Variants in MAP2K5 observed in about 807,000 individuals in gnomAD.
The protein encoded by MAP2K5 is mitogen-activated protein kinase kinase 5.
In MAP2K5, 49 loss-of-function variants were observed where a neutral mutation model predicts 83.1. The ratio of observed to expected loss-of-function variants is 0.59; its 90% CI spans 0.47 to 0.75. MAP2K5 has a LOEUF of 0.75. Among genes scored for constraint, MAP2K5 ranks in the 30% least tolerant of loss-of-function variants. The probability of loss-of-function intolerance (pLI) is 0.00; values close to 1 mark genes in which losing one functional copy is unlikely to be tolerated. For synonymous variants in MAP2K5, 202 were observed against 191.8 expected (o/e 1.05, Z -0.44); for missense variants, 457 against 557.5 (o/e 0.82, Z 1.82).
Position 67,741,642 on chromosome 15 carries a change from C to T in MAP2K5, c.1075-6589C>T, listed in dbSNP as rs576403740. Among the ~76,000 whole-genome samples, 24 of 152,052 alleles carry T rather than the reference C, an allele frequency of 1.6e-4. 1 individual carries two copies. The highest frequency in any genetic ancestry group is 4.8e-4 in the African/African-American group (20 of 41,488). On this transcript the variant is annotated intron_variant, in intron 17 of 21. Coordinates refer to ENST00000178640, the MANE Select transcript of MAP2K5 (RefSeq NM_145160.3). ...TGAAGTCATCTTCCCATGGAACACA[C>T]GGGCTTCTTGGGGGTGGGGGAGTGT...
rs1459029015 is a variant in MAP2K5 at position 67,559,776 on chromosome 15, A to G, written c.185-3507A>G. Among the ~76,000 whole-genome samples the G allele has an allele frequency of 2.0e-5, 3 of 152,162 alleles. No homozygotes were observed. The highest frequency in any genetic ancestry group is 2.9e-5 in the Non-Finnish European group (2 of 68,024). On this transcript the variant is annotated intron_variant, in intron 2 of 21. Transcript: ENST00000178640. This position sits in a 1 kb window ranked among gnomAD's most constrained non-coding sequence, Gnocchi z 4.7. Reference sequence around the variant, plus strand: ...AGCCTGGAATTCTCATTGTGAACCAATGTATCAGATCTGTCTGCTCCCCTA... The same window carrying G: ...AGCCTGGAATTCTCATTGTGAACCAGTGTATCAGATCTGTCTGCTCCCCTA...
rs6494670 is a variant in MAP2K5, at chr15:67,550,188, G to C, written c.184+106G>C. Reference sequence around the variant, plus strand: ...AAACTGACAAAAACAGATTATTTATGACCATCATATGGTACATTTAAATAT... The same window carrying C: ...AAACTGACAAAAACAGATTATTTATCACCATCATATGGTACATTTAAATAT... On this transcript the variant is annotated intron_variant, in intron 2 of 21. Coordinates refer to ENST00000178640, the MANE Select transcript of MAP2K5 (RefSeq NM_145160.3). 1.0e-5 allele frequency: 8 copies of C among 791,550 alleles called. No individual in the cohort carries two copies. The Admixed American group carries it at 1.6e-4, about 16-fold the overall frequency. 49.0% of individuals were successfully genotyped at this position (791,550 alleles called of 1,614,324 possible). A position where few individuals can be genotyped will look rare whatever the true frequency, so the allele number is the denominator to read the frequency against.
Position 67,640,273 on chromosome 15 carries a change from G to C in MAP2K5, c.586-5958G>C, listed in dbSNP as rs981363823. On this transcript the variant is annotated intron_variant, in intron 9 of 21. Transcript: ENST00000178640. This position sits in a 1 kb window ranked among gnomAD's most constrained non-coding sequence, Gnocchi z 4.6. ...TTCTTTAGTTCATTCATCTTTTAAA[G>C]TAACATCTTGAAAGCAGGTTCAGCT... 3.3e-5 allele frequency among the ~76,000 whole-genome samples: 5 copies of C among 152,138 alleles called. No homozygotes were observed. The highest frequency in any genetic ancestry group is 9.7e-5 in the African/African-American group (4 of 41,438).
chr15:67,651,119 G>A (rs558699434), intron 11 of MAP2K5, among the ~76,000 whole-genome samples: 1 of 152,302 alleles, frequency 6.6e-6, no homozygotes, highest in South Asian at 2.1e-4. Flanking sequence ...TTGAGAGGCT[G>A]AGGCAGGAGA....
rs997794395 is a variant in MAP2K5 at position 67,736,035 on chromosome 15, G to T, written c.1074+8090G>T. Among the ~76,000 whole-genome samples, 2 of 152,196 alleles carry T rather than the reference G, an allele frequency of 1.3e-5. No individual in the cohort carries two copies. The highest frequency in any genetic ancestry group is 2.9e-5 in the Non-Finnish European group (2 of 68,042). ...TTGGTGTTGTTCCGGTACTTTAACA[G>T]TACTACCATTGTTACTTTCATTTCC... On this transcript the variant is annotated intron_variant, in intron 17 of 21. Transcript: ENST00000178640. The surrounding 1 kb of genome is among the most constrained non-coding windows in gnomAD (Gnocchi z 4.3).
Position 67,676,072 on chromosome 15 carries a change from T to C in MAP2K5, c.847+11427T>C, listed in dbSNP as rs1193482105. Among the ~76,000 whole-genome samples, 1 of 152,186 alleles carries C rather than the reference T, an allele frequency of 6.6e-6. No homozygotes were observed. Among genetic ancestry groups the C allele is most frequent in the Non-Finnish European group, 1.5e-5 (1 of 68,028 alleles). On this transcript the variant is annotated intron_variant, in intron 13 of 21. Transcript: ENST00000178640. The surrounding 1 kb of genome is among the most constrained non-coding windows in gnomAD (Gnocchi z 4.8). The stretch of plus-strand genomic sequence containing the variant: ...GTGTGTTTTGGCTCACCAGTCTCTA[T>C]AGTATCCATTAGGGTAAGCTTCTAT...
rs147436967 is a variant in MAP2K5, at chr15:67,613,219, G to C, written c.545+12470G>C. ...TTCATTGCAAAGCCATCTTCCAGAA[G>C]AGTAAGGCAAGAACAGTGCAGAAAA... On this transcript the variant is annotated intron_variant, in intron 8 of 21. Transcript: ENST00000178640. 6.5e-3 allele frequency among the ~76,000 whole-genome samples: 992 copies of C among 152,306 alleles called. 6 individuals are homozygous for C. Among genetic ancestry groups the C allele is most frequent in the Admixed American group, 9.5e-3 (146 of 15,292 alleles).
At chr15:67,588,442 T>C (rs901683427) in intron 6 of MAP2K5, among the ~76,000 whole-genome samples, 4 of 152,226 alleles carry the variant, frequency 2.6e-5, no homozygotes, top group African/African-American at 9.6e-5. Flanking sequence ...CCTATGATAC[T>C]CCCTTCTTCC....
chr15:67,698,928 G>C lies in MAP2K5; in HGVS notation c.973-4409G>C, dbSNP rs183141720. Among the ~76,000 whole-genome samples the C allele has an allele frequency of 8.4e-4, 128 of 152,210 alleles. No homozygotes were observed. Among genetic ancestry groups the C allele is most frequent in the African/African-American group, 3.0e-3 (125 of 41,546 alleles). On this transcript the variant is annotated intron_variant, in intron 15 of 21. Transcript: ENST00000178640. The surrounding 1 kb of genome is among the most constrained non-coding windows in gnomAD (Gnocchi z 4.5). Reference sequence around the variant, plus strand: ...TTTAATCTTCACACAACCCCAGGAGGTATACGTATTACTACTATTATTTAT... The same window carrying C: ...TTTAATCTTCACACAACCCCAGGAGCTATACGTATTACTACTATTATTTAT...
At chr15:67,546,055 T>C (rs771127685) in intron 1 of MAP2K5, 2 of 152,238 alleles carry the variant, frequency 1.3e-5, no homozygotes, top group Non-Finnish European at 2.9e-5. Flanking sequence ...AGGTGGAGCA[T>C]GTTTTGTCAG....
intron 15 of MAP2K5, among the ~76,000 whole-genome samples, chr15:67,699,171 A>G (rs1164134543): frequency 2.6e-5 from 4 of 151,888 alleles, no homozygotes; most frequent in Non-Finnish European, 5.9e-5. Context: ...CCGAAGAGCT[A>G]AAAAGACAGT....
chr15:67,662,410 GTTC>G (rs1237277248), intron 12 of MAP2K5, among the ~76,000 whole-genome samples: 1 of 152,012 alleles, frequency 6.6e-6, no homozygotes, highest in Non-Finnish European at 1.5e-5. Context: ...AGGTTTTCTT[GTTC>G]TTATAGTCCT....
At position 67,790,788 on chromosome 15, in the gene MAP2K5, G is replaced by T. The variant is rs2090503058; in HGVS notation, c.1243-15858G>T. 6.6e-6 allele frequency among the ~76,000 whole-genome samples: 1 copy of T among 152,118 alleles called. No homozygotes were observed. Among genetic ancestry groups the T allele is most frequent in the African/African-American group, 2.4e-5 (1 of 41,414 alleles). Reference sequence around the variant, plus strand: ...CACACTTAGTGCTGAACATGTGTTAGGTGTTATAAAAGTTTCCTTAGAAAA... The same window carrying T: ...CACACTTAGTGCTGAACATGTGTTATGTGTTATAAAAGTTTCCTTAGAAAA... On this transcript the variant is annotated intron_variant, in intron 21 of 21. Coordinates refer to ENST00000178640, the MANE Select transcript of MAP2K5 (RefSeq NM_145160.3). The surrounding 1 kb of genome is among the most constrained non-coding windows in gnomAD (Gnocchi z 4.6).
At chr15:67,776,379 G>C (rs974545030) in intron 21 of MAP2K5, among the ~76,000 whole-genome samples, 1 of 152,150 alleles carries the variant, frequency 6.6e-6, no homozygotes, top group East Asian at 1.9e-4. Flanking sequence ...AGACAGTAGA[G>C]ACCCTGAGGA....
At chr15:67,560,712 A>G (rs1567272926) in intron 2 of MAP2K5, among the ~76,000 whole-genome samples, 2 of 152,240 alleles carry the variant, frequency 1.3e-5, no homozygotes. Flanking sequence ...TCTTCAAGAA[A>G]TTATTCTGGT....
In MAP2K5 at chr15:67,703,413, G is replaced by A. The variant is rs372184412; in HGVS notation, c.1044+5G>A. 3.0e-5 allele frequency: 48 copies of A among 1,610,284 alleles called. No homozygotes were observed. The highest frequency in any genetic ancestry group is 3.6e-5 in the Non-Finnish European group (42 of 1,176,866). On this transcript the variant is annotated splice_donor_5th_base_variant and intron_variant, in intron 16 of 21. Transcript: ENST00000178640. ...TTAGGAATCTCTTTTATGGAGGTAC[G>A]TTGTTTGCACATAGACGCTTCTGTG...
In MAP2K5 at chr15:67,790,066, C is replaced by T. The variant is rs905310965; in HGVS notation, c.1243-16580C>T. On this transcript the variant is annotated intron_variant, in intron 21 of 21. Coordinates refer to ENST00000178640, the MANE Select transcript of MAP2K5 (RefSeq NM_145160.3). This position sits in a 1 kb window ranked among gnomAD's most constrained non-coding sequence, Gnocchi z 4.6. ...AGCTGGGGGTAAACTACAAGAGAGT[C>T]GTTTTCTTTTCCCTTTGTTTGGTTG... Among the ~76,000 whole-genome samples the T allele has an allele frequency of 2.0e-5, 3 of 152,140 alleles. No individual in the cohort carries two copies. Among genetic ancestry groups the T allele is most frequent in the South Asian group, 2.1e-4 (1 of 4,828 alleles).
In MAP2K5 at chr15:67,750,318, G is replaced by A. The variant is rs2089690674; in HGVS notation, c.1134+1717G>A. Among the ~76,000 whole-genome samples the A allele has an allele frequency of 6.6e-6, 1 of 152,200 alleles. No individual in the cohort carries two copies. Among genetic ancestry groups the A allele is most frequent in the Admixed American group, 6.5e-5 (1 of 15,284 alleles). On this transcript the variant is annotated intron_variant, in intron 19 of 21. Coordinates refer to ENST00000178640, the MANE Select transcript of MAP2K5 (RefSeq NM_145160.3). This position sits in a 1 kb window ranked among gnomAD's most constrained non-coding sequence, Gnocchi z 4.2. ...TGTGGAAACTTGGGAAATGAACATT[G>A]CCTTTGCTAAAACCAGGTTGATCTT...
intron 8 of MAP2K5, among the ~76,000 whole-genome samples, chr15:67,612,478 C>G (rs2085948851): frequency 6.6e-6 from 1 of 152,158 alleles, no homozygotes. Context: ...CATAGCTCCT[C>G]AACCTAGAGG....
Sources: allele counts gnomAD v4.1 joint callset (sites outside exome capture counted in the v4.1 genomes callset), GRCh38; gene constraint gnomAD v4.1.1; non-coding constraint Gnocchi (gnomAD v3.1); transcripts MANE v1.5; gene names NCBI Gene and HGNC (gene_info 2026-07-23, HGNC 2026-07-21).